Variants in C4orf54 observed in about 807,000 individuals in gnomAD.
C4orf54 encodes chromosome 4 open reading frame 54.
A neutral mutation model predicts 80.1 loss-of-function variants in C4orf54; 67 were observed. The observed-to-expected ratio is 0.84, with a 90% CI of 0.69 to 1.03. The LOEUF (loss-of-function observed/expected upper bound fraction) is 1.03, where lower values mean the gene tolerates loss of function less well. C4orf54 is among the 50% of genes least tolerant of loss of function. The pLI is 0.00. For missense variants in C4orf54, 2,434 were observed against 2,253.5 expected, an observed-to-expected ratio of 1.08 and a Z score of -1.62; for synonymous variants, 1,000 against 917.0, an observed-to-expected ratio of 1.09 and a Z score of -1.64.
chr4:99,650,499 G>T lies in C4orf54; in HGVS notation c.4150C>A (p.Pro1384Thr). The T allele has an allele frequency of 6.5e-7, 1 of 1,536,128 alleles. No individual in the cohort carries two copies. The highest frequency in any genetic ancestry group is 8.7e-7 in the Non-Finnish European group (1 of 1,146,892). ...GGGAGTGGTGGGAGGGGCTGCAGGG[G>T]TTGGGTTCTCTCTACATCCTTGTGG... Reference protein sequence around the residue: ...PVHKDVERTQPLQPLPPLPSN... With the variant: ...PVHKDVERTQTLQPLPPLPSN... The change falls in exon 2 of 3, where the codon CCC becomes ACC. Residue 1384 changes from proline to threonine, a missense_variant. Pro to Thr is a conservative substitution (Grantham distance 38). Transcript: ENST00000511828.
chr4:99,642,646 A>G (rs1181928565), intron 2 of C4orf54, among the ~76,000 whole-genome samples: 1 of 152,250 alleles, frequency 6.6e-6, no homozygotes, highest in Non-Finnish European at 1.5e-5. Flanking sequence ...AAAAATCGCC[A>G]ATATAGCTAA....
intron 1 of C4orf54, among the ~76,000 whole-genome samples, chr4:99,655,300 T>A (rs1187701630): frequency 6.6e-6 from 1 of 152,168 alleles, no homozygotes; most frequent in Non-Finnish European, 1.5e-5. Flanking sequence ...TTATGGTCAC[T>A]AAAAAGGGCA....
chr4:99,649,091 G>A, intron 2 of C4orf54, 140 bp downstream of exon 2: 1 of 835,386 alleles, frequency 1.2e-6, no homozygotes, highest in Non-Finnish European at 1.8e-6. Flanking sequence ...TTGTAAATTG[G>A]ATGCAGTTTT....
chr4:99,650,453 G>A lies in C4orf54; in HGVS notation c.4196C>T (p.Thr1399Ile), dbSNP rs1726790944. ...PPLPSNRNVF[T>I]VSASSIQKTG... ...TTTCTGGATGCTGCTGGCACTCACT[G>A]TGAACACGTTCCGGTTGCTGGGGAG... Residue 1399 changes from threonine to isoleucine, a missense_variant, in exon 2 of 3, where the codon ACA (threonine) becomes ATA (isoleucine). Transcript: ENST00000511828. The A allele has an allele frequency of 2.6e-6, 4 of 1,536,094 alleles. No individual in the cohort carries two copies.
chr4:99,652,358 G>C lies in C4orf54; in HGVS notation c.2291C>G (p.Ser764Trp), dbSNP rs1472865760. ...LNVRSESKAS[S>W]APGPGRATKG... ...GGTGGCCCTGCCGGGCCCAGGGGCC[G>C]AGCTGGCTTTGCTCTCACTGCGTAC... is the stretch of plus-strand genomic sequence containing the variant. Residue 764 changes from serine to tryptophan, a missense_variant, in exon 2 of 3, where the codon TCG becomes TGG. Coordinates refer to ENST00000511828, the MANE Select transcript of C4orf54 (RefSeq NM_001354435.2). 1.3e-6 allele frequency: 2 copies of C among 1,536,060 alleles called. No homozygotes were observed. Among genetic ancestry groups the C allele is most frequent in the African/African-American group, 1.4e-5 (1 of 73,156 alleles).
In C4orf54 at chr4:99,654,349, C is replaced by A. The variant is rs569383085; in HGVS notation, c.300G>T (p.Leu100Phe). The stretch of plus-strand genomic sequence containing the variant: ...GGGTCCCACGTATCTGGACTGGCCC[C>A]AAGGCTGTAGGCACTGCTGCCACTG... ...VAAVAAVPTALGPVQIRGTLL... is the reference protein window; with the variant it reads ...VAAVAAVPTAFGPVQIRGTLL... Residue 100 changes from leucine (L) to phenylalanine (F), a missense_variant, in exon 2 of 3, where the codon TTG (leucine) becomes TTT (phenylalanine). By Grantham distance (22) the Leu-to-Phe change is conservative. Coordinates refer to ENST00000511828, the MANE Select transcript of C4orf54 (RefSeq NM_001354435.2). 5.4e-6 allele frequency: 7 copies of A among 1,304,396 alleles called. No homozygotes were observed. Among genetic ancestry groups the A allele is most frequent in the Non-Finnish European group, 7.5e-6 (7 of 935,736 alleles). 80.8% of individuals were successfully genotyped at this position (1,304,396 alleles called of 1,614,324 possible).
At position 99,651,264 on chromosome 4, in the gene C4orf54, C is replaced by T; in HGVS notation, c.3385G>A (p.Gly1129Arg). 2 of 1,536,152 alleles carry T rather than the reference C, an allele frequency of 1.3e-6. No individual in the cohort carries two copies. Among genetic ancestry groups the T allele is most frequent in the Non-Finnish European group, 1.7e-6 (2 of 1,146,912 alleles). The part of the protein sequence containing the change: ...SDKGSVTPEQ[G>R]LTGPKPRQLS... The stretch of plus-strand genomic sequence containing the variant: ...TGCCTGGGTTTGGGTCCAGTCAGCC[C>T]CTGCTCTGGGGTAACACTGCCCTTG... The change falls in exon 2 of 3, where the codon GGG becomes AGG. Residue 1129 changes from glycine (G) to arginine (R), a missense_variant. By Grantham distance (125) the Gly-to-Arg change is moderately radical. Coordinates refer to ENST00000511828, the MANE Select transcript of C4orf54 (RefSeq NM_001354435.2).
chr4:99,651,119 C>T lies in C4orf54; in HGVS notation c.3530G>A (p.Gly1177Glu), dbSNP rs1468470734. 3 of 1,536,036 alleles carry T rather than the reference C, an allele frequency of 2.0e-6. No individual in the cohort carries two copies. The highest frequency in any genetic ancestry group is 1.7e-4 in the Middle Eastern group (1 of 6,012). Residue 1177 changes from glycine (G) to glutamate (E), a missense_variant, in exon 2 of 3, where the codon GGG becomes GAG. Gly to Glu is a moderately conservative substitution (Grantham distance 98). Coordinates refer to ENST00000511828, the MANE Select transcript of C4orf54 (RefSeq NM_001354435.2). The part of the protein sequence containing the change: ...DREPRESMGK[G>E]GGSRVLNSSS... The stretch of plus-strand genomic sequence containing the variant: ...AGAATTCAAGACTCTGCTGCCGCCC[C>T]CTTTGCCCATGCTTTCCCTGGGCTC...
chr4:99,651,861 C>T lies in C4orf54; in HGVS notation c.2788G>A (p.Glu930Lys). 1 of 1,536,142 alleles carries T rather than the reference C, an allele frequency of 6.5e-7. No individual in the cohort carries two copies. The highest frequency in any genetic ancestry group is 8.7e-7 in the Non-Finnish European group (1 of 1,146,922). ...EVCEIKKSAS[E>K]TVKGIFLRSQ... ...CGGAGGAAGATGCCCTTGACGGTCTCTGAGGCACTCTTTTTAATTTCACAC... is the reference window on the plus strand; with the variant it reads ...CGGAGGAAGATGCCCTTGACGGTCTTTGAGGCACTCTTTTTAATTTCACAC... The change falls in exon 2 of 3, where the codon GAG becomes AAG. Residue 930 changes from glutamate (E) to lysine (K), a missense_variant. Glu to Lys is a moderately conservative substitution (Grantham distance 56). Coordinates refer to ENST00000511828, the MANE Select transcript of C4orf54 (RefSeq NM_001354435.2).
intron 2 of C4orf54, among the ~76,000 whole-genome samples, chr4:99,644,863 C>CAAAAA (rs35279198): frequency 9.5e-5 from 7 of 73,878 alleles, no homozygotes; most frequent in African/African-American, 2.7e-4. Context: ...GAACAAGTTG[C>CAAAAA]AAAAAAAAAA....
Position 99,650,279 on chromosome 4 carries a change from C to A in C4orf54, c.4370G>T (p.Gly1457Val). 3 of 1,536,068 alleles carry A rather than the reference C, an allele frequency of 2.0e-6. No individual in the cohort carries two copies. The highest frequency in any genetic ancestry group is 3.3e-4 in the Middle Eastern group (2 of 5,990). ...ACTGTTGCTCTTCTCCAAATTGCTG[C>A]CACTTTTCCTGTTGGTCACCTCATC... is the stretch of plus-strand genomic sequence containing the variant. Reference protein sequence around the residue: ...PPDEVTNRKSGSNLEKSNSDC... With the variant: ...PPDEVTNRKSVSNLEKSNSDC... Residue 1457 changes from glycine to valine, a missense_variant, in exon 2 of 3, where the codon GGC (glycine) becomes GTC (valine). Coordinates refer to ENST00000511828, the MANE Select transcript of C4orf54 (RefSeq NM_001354435.2).
Position 99,650,651 on chromosome 4 carries a change from C to T in C4orf54, c.3998G>A (p.Arg1333Gln). Residue 1333 changes from arginine (R) to glutamine (Q), a missense_variant, in exon 2 of 3, where the codon CGA (arginine) becomes CAA (glutamine). By Grantham distance (43) the Arg-to-Gln change is conservative. Transcript: ENST00000511828. The stretch of plus-strand genomic sequence containing the variant: ...CTGCAGACGTTCTATGGGGGCCCCT[C>T]GCAGGACCACACCAGCTTTGTTTCC... ...GTGNKAGVVL[R>Q]GAPIERLQRR... 2 of 1,536,082 alleles carry T rather than the reference C, an allele frequency of 1.3e-6. No individual in the cohort carries two copies. Among genetic ancestry groups the T allele is most frequent in the South Asian group, 1.2e-5 (1 of 84,056 alleles).
chr4:99,649,779 C>T lies in C4orf54; in HGVS notation c.4870G>A (p.Val1624Met). ...LDVTTGQYYL[V>M]DTPVQPMTRR... ...GTCATGGGCTGTACTGGTGTGTCCACCAGATAGTACTGGCCTGTTGTCACA... is the reference window on the plus strand; with the variant it reads ...GTCATGGGCTGTACTGGTGTGTCCATCAGATAGTACTGGCCTGTTGTCACA... The change falls in exon 2 of 3, where the codon GTG becomes ATG. Residue 1624 changes from valine (V) to methionine (M), a missense_variant. Val to Met is a conservative substitution (Grantham distance 21, BLOSUM62 1). Coordinates refer to ENST00000511828, the MANE Select transcript of C4orf54 (RefSeq NM_001354435.2). The T allele has an allele frequency of 4.6e-6, 7 of 1,536,212 alleles. No homozygotes were observed. The highest frequency in any genetic ancestry group is 6.1e-6 in the Non-Finnish European group (7 of 1,146,900).
Position 99,652,600 on chromosome 4 carries a change from G to A in C4orf54, c.2049C>T (p.Ser683=), listed in dbSNP as rs1726867053. The A allele has an allele frequency of 2.6e-6, 4 of 1,536,024 alleles. No individual in the cohort carries two copies. The highest frequency in any genetic ancestry group is 2.6e-6 in the Non-Finnish European group (3 of 1,146,894). The change falls in exon 2 of 3, where the codon AGC becomes AGT. Residue 683 remains serine, a synonymous_variant. Transcript: ENST00000511828. ...GARVEQSLLR[S]SAASVAAGLR... is the part of the protein sequence containing the mutation. ...GACCTGCAGCCACAGAGGCCGCGCT[G>A]CTCCTGAGGAGGCTCTGCTCCACCC...
intron 1 of C4orf54, among the ~76,000 whole-genome samples, 42 bp downstream of exon 1, chr4:99,657,453 C>G (rs1228359383): frequency 6.6e-6 from 1 of 152,198 alleles, no homozygotes; most frequent in East Asian, 1.9e-4. Context: ...TAAAACTCCC[C>G]AAGAGGCAAA....
At position 99,649,284 on chromosome 4, in the gene C4orf54, C is replaced by T. The variant is rs1726753828; in HGVS notation, c.5365G>A (p.Val1789Met). The T allele has an allele frequency of 6.6e-7, 1 of 1,525,036 alleles. No homozygotes were observed. Among genetic ancestry groups the T allele is most frequent in the Non-Finnish European group, 8.8e-7 (1 of 1,139,484 alleles). 94.5% of individuals were successfully genotyped at this position (1,525,036 alleles called of 1,614,324 possible). A position where few individuals can be genotyped will look rare whatever the true frequency, so the allele number is the denominator to read the frequency against. The change falls in exon 2 of 3, where the codon GTG becomes ATG. Residue 1789 changes from valine (V) to methionine (M), a missense_variant. Physicochemically the swap from Val to Met is conservative, Grantham distance 21. Transcript: ENST00000511828. ...GCTGCTCATCATCTGTGTTCTACCACAAAGCTCATGGTGGTGCCATCAAAG... is the reference window on the plus strand; with the variant it reads ...GCTGCTCATCATCTGTGTTCTACCATAAAGCTCATGGTGGTGCCATCAAAG... ...PSFDGTTMSF[V>M]VEHR
chr4:99,637,205 T>C lies in C4orf54; in HGVS notation c.*4028A>G, dbSNP rs1726520368. On this transcript the variant is annotated 3_prime_UTR_variant, in exon 3 of 3. Coordinates refer to ENST00000511828, the MANE Select transcript of C4orf54 (RefSeq NM_001354435.2). ...CTTAAAAAAAGAAAAAGAAATCAAA[T>C]CAGATGTGTGTGTTTTATTCTGCAC... The C allele has an allele frequency of 6.6e-6, 1 of 152,118 alleles. No homozygotes were observed. Among genetic ancestry groups the C allele is most frequent in the Non-Finnish European group, 1.5e-5 (1 of 68,008 alleles). The allele number at this position is 152,118 out of a possible 1,614,324, so 9.4% of individuals were successfully genotyped here. A position where few individuals can be genotyped will look rare whatever the true frequency, so the allele number is the denominator to read the frequency against.
chr4:99,647,465 A>G (rs1019936485), intron 2 of C4orf54, among the ~76,000 whole-genome samples: 3 of 150,586 alleles, frequency 2.0e-5, no homozygotes, highest in Non-Finnish European at 4.4e-5. Flanking sequence ...ATGCATATTG[A>G]ATTTTTTTTT....
rs1191272330 is a variant in C4orf54 at position 99,653,157 on chromosome 4, G to T, written c.1492C>A (p.Pro498Thr). 4.6e-6 allele frequency: 7 copies of T among 1,536,166 alleles called. No individual in the cohort carries two copies. The highest frequency in any genetic ancestry group is 4.4e-6 in the Non-Finnish European group (5 of 1,146,896). Residue 498 changes from proline to threonine, a missense_variant, in exon 2 of 3, where the codon CCG becomes ACG. Transcript: ENST00000511828. The part of the protein sequence containing the change: ...APLTEPLPET[P>T]EAASGAAAAA... ...GCTGCTGCCCCTGAAGCTGCCTCCG[G>T]GGTCTCAGGCAAGGGCTCAGTCAGG...
Sources: allele counts gnomAD v4.1 joint callset (sites outside exome capture counted in the v4.1 genomes callset), GRCh38; gene constraint gnomAD v4.1.1; transcripts MANE v1.5; gene names NCBI Gene and HGNC (gene_info 2026-07-23, HGNC 2026-07-21).